The following MRAP2 variants were observed in gnomAD, a reference collection of about 807,000 sequenced individuals.
MRAP2 encodes melanocortin-2 receptor accessory protein 2.
A neutral mutation model predicts 17.4 loss-of-function variants in MRAP2; 20 were observed. The observed-to-expected ratio is 1.15, with a 90% CI of 0.81 to 1.67. The LOEUF is 1.67. MRAP2 is among the 40% of genes most tolerant of loss of function. The pLI, the probability that MRAP2 is intolerant of heterozygous loss-of-function variation, is 0.00. For synonymous variants in MRAP2, 96 were observed against 88.4 expected (o/e 1.09, Z -0.48); for missense variants, 238 against 240.0 (o/e 0.99, Z 0.05).
At chr6:84,123,168 A>T in the MRAP2 span, among the ~76,000 whole-genome samples, 1 of 151,288 alleles carries the variant, frequency 6.6e-6, no homozygotes. Flanking sequence ...CAATCTACAG[A>T]TTTGATGTAA....
chr6:84,143,797 G>A, the MRAP2 span, among the ~76,000 whole-genome samples: 1 of 151,834 alleles, frequency 6.6e-6, no homozygotes, highest in African/African-American at 2.4e-5. Context: ...TTGGAGCATC[G>A]GTCTGCTCTT....
chr6:84,055,226 C>G, intron 1 of MRAP2, 86 bp from the exon 2 acceptor site: 1 of 1,486,254 alleles, frequency 6.7e-7, no homozygotes, highest in Non-Finnish European at 9.0e-7. Flanking sequence ...TGCCAAACTC[C>G]TGAATGCGAT....
At chr6:84,138,647 G>A in the MRAP2 span, among the ~76,000 whole-genome samples, 7 of 152,124 alleles carry the variant, frequency 4.6e-5, no homozygotes, top group Admixed American at 6.5e-5. Context: ...CATGTGCTGC[G>A]TCTTCTATTT....
the MRAP2 span, among the ~76,000 whole-genome samples, chr6:84,106,850 C>A: frequency 6.6e-6 from 1 of 152,080 alleles, no homozygotes; most frequent in African/African-American, 2.4e-5. Flanking sequence ...GTGGGTCAGA[C>A]AACATGCAGT....
Position 84,089,828 on chromosome 6 carries a change from T to G in MRAP2, c.*347T>G. On this transcript the variant is annotated 3_prime_UTR_variant, in exon 4 of 4. Coordinates refer to ENST00000257776, the MANE Select transcript of MRAP2 (RefSeq NM_138409.4). The stretch of plus-strand genomic sequence containing the variant: ...ATGAGTTTTGTTTTTTTTTTTGCTA[T>G]TTTTTTTAAAGCTCGTCAGCTATCG... 1 of 200,524 alleles carries G rather than the reference T, an allele frequency of 5.0e-6. No individual in the cohort carries two copies. Among genetic ancestry groups the G allele is most frequent in the Non-Finnish European group, 1.0e-5 (1 of 98,910 alleles). The allele number at this position is 200,524 out of a possible 1,614,324, so 12.4% of individuals were successfully genotyped here.
chr6:84,117,620 G>C, the MRAP2 span, among the ~76,000 whole-genome samples: 1 of 151,320 alleles, frequency 6.6e-6, no homozygotes, highest in Non-Finnish European at 1.5e-5. Flanking sequence ...CAGTCTTTGA[G>C]GTTGCTGACC....
chr6:84,040,285 G>A (rs1431725730), intron 1 of MRAP2, among the ~76,000 whole-genome samples: 1 of 152,180 alleles, frequency 6.6e-6, no homozygotes, highest in African/African-American at 2.4e-5. Context: ...CTAGCCCTGC[G>A]GAGCTGTGAG....
chr6:84,113,013 A>G, the MRAP2 span, among the ~76,000 whole-genome samples: 1 of 152,128 alleles, frequency 6.6e-6, no homozygotes, highest in Non-Finnish European at 1.5e-5. Flanking sequence ...TTTTACTTCC[A>G]ATTATGTGGT....
At chr6:84,037,229 A>G (rs1186054279) in intron 1 of MRAP2, among the ~76,000 whole-genome samples, 3 of 152,080 alleles carry the variant, frequency 2.0e-5, no homozygotes, top group African/African-American at 7.2e-5. Flanking sequence ...TGGTGTGTTT[A>G]CAATCCTTTA....
intron 1 of MRAP2, among the ~76,000 whole-genome samples, chr6:84,044,502 G>GACCA (rs1176616972): frequency 6.6e-6 from 1 of 152,182 alleles, no homozygotes; most frequent in Non-Finnish European, 1.5e-5. Context: ...TCAAGGTGCT[G>GACCA]GTCACATGTA....
chr6:84,055,533 TTTC>T (rs1202346405), intron 2 of MRAP2, 88 bp downstream of exon 2: 170 of 1,365,344 alleles, frequency 1.2e-4, no homozygotes, highest in Non-Finnish European at 8.3e-5. Flanking sequence ...CTGAGCATTC[TTTC>T]TTCTTTACAG....
chr6:84,122,137 T>G, the MRAP2 span, among the ~76,000 whole-genome samples: 1 of 151,666 alleles, frequency 6.6e-6, no homozygotes, highest in Non-Finnish European at 1.5e-5. Flanking sequence ...CTACCAGACA[T>G]ACAAAGAGCT....
At chr6:84,114,570 A>T in the MRAP2 span, among the ~76,000 whole-genome samples, 1 of 152,044 alleles carries the variant, frequency 6.6e-6, no homozygotes, top group Admixed American at 6.6e-5. Flanking sequence ...TCTGAAGCCT[A>T]CTTCTGTCAG....
the MRAP2 span, among the ~76,000 whole-genome samples, chr6:84,111,022 A>G: frequency 1.6e-4 from 25 of 152,314 alleles, no homozygotes; most frequent in African/African-American, 5.8e-4. Context: ...TATAGGTTGA[A>G]GCCAGATAGC....
chr6:84,102,997 A>G, the MRAP2 span, among the ~76,000 whole-genome samples: 28 of 152,220 alleles, frequency 1.8e-4, no homozygotes, highest in Non-Finnish European at 3.7e-4. Context: ...AGCTATGAAA[A>G]TGTAGACAGA....
chr6:84,135,752 A>C, the MRAP2 span, among the ~76,000 whole-genome samples: 1 of 152,082 alleles, frequency 6.6e-6, no homozygotes, highest in South Asian at 2.1e-4. Flanking sequence ...AATCCCAGCT[A>C]CTCAGGAAGC....
At chr6:84,131,957 C>T in the MRAP2 span, among the ~76,000 whole-genome samples, 2 of 152,142 alleles carry the variant, frequency 1.3e-5, no homozygotes, top group Non-Finnish European at 2.9e-5. Flanking sequence ...TACAATTTGG[C>T]ATGTTTTAGC....
chr6:84,060,446 A>G (rs1486486788), intron 2 of MRAP2, among the ~76,000 whole-genome samples: 2 of 152,218 alleles, frequency 1.3e-5, no homozygotes, highest in East Asian at 3.8e-4. Flanking sequence ...ACACCTTCCT[A>G]ATACACAGAT....
chr6:84,047,564 A>G (rs1323041391), intron 1 of MRAP2, among the ~76,000 whole-genome samples: 1 of 152,196 alleles, frequency 6.6e-6, no homozygotes, highest in Non-Finnish European at 1.5e-5. Context: ...TATAAAATGT[A>G]CCATTTTTGA....
Sources: allele counts gnomAD v4.1 joint callset (sites outside exome capture counted in the v4.1 genomes callset), GRCh38; gene constraint gnomAD v4.1.1; transcripts MANE v1.5; gene names NCBI Gene and HGNC (gene_info 2026-07-23, HGNC 2026-07-21).